Variants in PREX2 observed in about 807,000 individuals in gnomAD.
PREX2 encodes the protein phosphatidylinositol 3,4,5-trisphosphate-dependent Rac exchanger 2 protein.
A neutral mutation model predicts 203.2 loss-of-function variants in PREX2; 107 were observed. That is an observed-to-expected ratio of 0.53 (90% CI 0.45 to 0.62). The LOEUF (loss-of-function observed/expected upper bound fraction) is 0.62, where lower values mean the gene tolerates loss of function less well. Among genes scored for constraint, PREX2 ranks in the 20% least tolerant of loss-of-function variants. The probability of loss-of-function intolerance (pLI) is 0.00; values close to 1 mark genes in which losing one functional copy is unlikely to be tolerated. For synonymous variants in PREX2, 672 were observed against 663.6 expected (o/e 1.01, Z -0.19); for missense variants, 1,777 against 1,955.9 (o/e 0.91, Z 1.72).
intron 35 of PREX2, among the ~76,000 whole-genome samples, chr8:68,181,617 A>G (rs1585849085): frequency 1.3e-5 from 2 of 152,254 alleles, no homozygotes; most frequent in East Asian, 3.9e-4. Context: ...TTTGTGATGG[A>G]GAAAATTTAT....
At chr8:68,015,175 A>G (rs1189320220) in intron 1 of PREX2, among the ~76,000 whole-genome samples, 1 of 152,220 alleles carries the variant, frequency 6.6e-6, no homozygotes, top group African/African-American at 2.4e-5. Flanking sequence ...CTGAAAGGAC[A>G]CTATAGATGC....
At chr8:68,007,800 G>A (rs189666046) in intron 1 of PREX2, among the ~76,000 whole-genome samples, 92 of 152,212 alleles carry the variant, frequency 6.0e-4, no homozygotes, top group Non-Finnish European at 1.0e-4. Context: ...TAGTAGAGAC[G>A]GGGTTTCACT....
chr8:68,075,326 T>C (rs1809315155), intron 14 of PREX2, among the ~76,000 whole-genome samples: 1 of 152,230 alleles, frequency 6.6e-6, no homozygotes, highest in African/African-American at 2.4e-5. Flanking sequence ...AACAAGCTTT[T>C]CTTGTAAGCT....
intron 35 of PREX2, among the ~76,000 whole-genome samples, chr8:68,173,966 G>A (rs1811930937): frequency 6.6e-6 from 1 of 152,172 alleles, no homozygotes; most frequent in Admixed American, 6.5e-5. Flanking sequence ...AGGAAAAATT[G>A]TCAGTGCTTA....
At chr8:68,023,027 G>A (rs1266541238) in intron 4 of PREX2, among the ~76,000 whole-genome samples, 1 of 151,952 alleles carries the variant, frequency 6.6e-6, no homozygotes, top group East Asian at 1.9e-4. Flanking sequence ...TTATCTATTT[G>A]CCAGTTAGTG....
At position 68,236,111 on chromosome 8, in the gene PREX2, G is replaced by A. The variant is rs1813259718; in HGVS notation, c.*4733G>A. ...GAGTTGTTCAATGTATTGAATGAAT[G>A]TCTTACTGTAAGCATCAGAGCTGTC... is the stretch of plus-strand genomic sequence containing the variant. On this transcript the variant is annotated 3_prime_UTR_variant, in exon 40 of 40. Transcript: ENST00000288368. 6.6e-6 allele frequency: 1 copy of A among 152,106 alleles called. No individual in the cohort carries two copies. The highest frequency in any genetic ancestry group is 1.5e-5 in the Non-Finnish European group (1 of 67,998). 9.4% of individuals were successfully genotyped at this position (152,106 alleles called of 1,614,324 possible). A position where few individuals can be genotyped will look rare whatever the true frequency, so the allele number is the denominator to read the frequency against.
In PREX2 at chr8:68,235,671, G is replaced by A. The variant is rs12541905; in HGVS notation, c.*4293G>A. On this transcript the variant is annotated 3_prime_UTR_variant, in exon 40 of 40. Transcript: ENST00000288368. ...TACAAGAGGGGTCTGTACCAAAAAT[G>A]GCCCCAGGATATTCCATTGAACAAA... is the stretch of plus-strand genomic sequence containing the variant. The A allele has an allele frequency of 0.27, 41,436 of 152,002 alleles. 6,163 individuals are homozygous for A. Among genetic ancestry groups the A allele is most frequent in the South Asian group, 0.46 (2,215 of 4,814 alleles). The allele number at this position is 152,002 out of a possible 1,614,324, so 9.4% of individuals were successfully genotyped here. A position where few individuals can be genotyped will look rare whatever the true frequency, so the allele number is the denominator to read the frequency against.
At chr8:67,987,971 TC>T (rs1806485951) in intron 1 of PREX2, among the ~76,000 whole-genome samples, 2 of 151,954 alleles carry the variant, frequency 1.3e-5, no homozygotes, top group Non-Finnish European at 2.9e-5. Flanking sequence ...GTCTTTGCAG[TC>T]CCCATAGGTA....
Position 68,224,027 on chromosome 8 carries a change from C to A in PREX2, c.4708-532C>A, listed in dbSNP as rs189350659. Among the ~76,000 whole-genome samples the A allele has an allele frequency of 3.6e-3, 549 of 151,834 alleles. 5 individuals are homozygous for A. Among genetic ancestry groups the A allele is most frequent in the African/African-American group, 0.013 (536 of 41,404 alleles). On this transcript the variant is annotated intron_variant, in intron 38 of 39. Coordinates refer to ENST00000288368, the MANE Select transcript of PREX2 (RefSeq NM_024870.4). ...ATTTTTATTTATTTTTATTATTTTT[C>A]TTTTTTTGTGAGAGAGGGTCTCATT...
chr8:68,164,585 C>CTTTTTTT (rs755033458), intron 35 of PREX2, among the ~76,000 whole-genome samples: 2 of 135,264 alleles, frequency 1.5e-5, no homozygotes, highest in African/African-American at 2.7e-5. Context: ...TTTCTTTTTT[C>CTTTTTTT]TTTTTTTTTT....
chr8:68,196,590 T>C (rs748575285), intron 37 of PREX2, among the ~76,000 whole-genome samples: 5 of 151,884 alleles, frequency 3.3e-5, no homozygotes, highest in Non-Finnish European at 5.9e-5. Flanking sequence ...AAATCTCATG[T>C]TGAAATGTAA....
At chr8:68,198,153 T>A (rs1812435909) in intron 37 of PREX2, among the ~76,000 whole-genome samples, 1 of 152,240 alleles carries the variant, frequency 6.6e-6, no homozygotes, top group African/African-American at 2.4e-5. Context: ...TGTGAGGCAC[T>A]TTCACCCTTG....
At chr8:68,192,582 T>C in intron 37 of PREX2, 57 bp downstream of exon 37, 2 of 1,373,632 alleles carry the variant, frequency 1.5e-6, no homozygotes, top group African/African-American at 2.9e-5. Context: ...TATTTGATGG[T>C]TTTTGTTTAC....
rs188785021 is a variant in PREX2 at position 68,206,324 on chromosome 8, T to C, written c.4605-11292T>C. On this transcript the variant is annotated intron_variant, in intron 37 of 39. Transcript: ENST00000288368. ...TTCTAGCATTCCTGACTACTCAGAA[T>C]GTTCAGTTGAAATCTGTGCTTTTGA... Among the ~76,000 whole-genome samples, 77 of 152,342 alleles carry C rather than the reference T, an allele frequency of 5.1e-4. 1 individual carries two copies. In the East Asian group the frequency reaches 0.011, roughly 23 times the overall value.
chr8:68,061,557 T>C (rs372985167), intron 11 of PREX2, among the ~76,000 whole-genome samples: 22 of 152,084 alleles, frequency 1.4e-4, no homozygotes, highest in East Asian at 1.4e-3. Flanking sequence ...AAAAAACCCA[T>C]GGGGAGATGC....
chr8:68,149,596 C>A (rs1424865480), intron 34 of PREX2, among the ~76,000 whole-genome samples: 1 of 152,142 alleles, frequency 6.6e-6, no homozygotes, highest in African/African-American at 2.4e-5. Flanking sequence ...AATGAGAGTA[C>A]AAAGAGGATA....
chr8:67,987,088 GC>G (rs1428800747), intron 1 of PREX2, among the ~76,000 whole-genome samples: 1 of 148,004 alleles, frequency 6.8e-6, no homozygotes, highest in African/African-American at 2.5e-5. Context: ...GGGAGGCGGA[GC>G]TTGCAGTGAG....
At chr8:68,216,956 A>G in intron 37 of PREX2, among the ~76,000 whole-genome samples, 1 of 131,262 alleles carries the variant, frequency 7.6e-6, no homozygotes, top group Admixed American at 7.5e-5. Flanking sequence ...GCAAGACTCC[A>G]TCTCAAAAAA....
intron 25 of PREX2, 121 bp downstream of exon 25, chr8:68,109,744 T>A: frequency 1.3e-6 from 1 of 769,592 alleles, no homozygotes. Context: ...GTGCTGATTA[T>A]ATAGATCCTC....
Sources: allele counts gnomAD v4.1 joint callset (sites outside exome capture counted in the v4.1 genomes callset), GRCh38; gene constraint gnomAD v4.1.1; transcripts MANE v1.5; gene names NCBI Gene and HGNC (gene_info 2026-07-23, HGNC 2026-07-21).